The following ZNF652 variants were observed in gnomAD, a reference collection of about 807,000 sequenced individuals.
The protein encoded by ZNF652 is zinc finger protein 652.
ZNF652 carries 16 observed loss-of-function variants against 45.2 expected under a neutral mutation model. The ratio of observed to expected loss-of-function variants is 0.35; its 90% CI spans 0.24 to 0.54. The LOEUF (loss-of-function observed/expected upper bound fraction) is 0.54, where lower values mean the gene tolerates loss of function less well. Among genes scored for constraint, ZNF652 ranks in the 20% least tolerant of loss-of-function variants. The probability of loss-of-function intolerance (pLI) is 0.91; values close to 1 mark genes in which losing one functional copy is unlikely to be tolerated. For synonymous variants in ZNF652, 250 were observed against 260.6 expected (o/e 0.96, Z 0.39); for missense variants, 614 against 765.6 (o/e 0.80, Z 2.34).
At chr17:49,313,704 G>A (rs1239924718) in intron 2 of ZNF652, among the ~76,000 whole-genome samples, 1 of 151,600 alleles carries the variant, frequency 6.6e-6, no homozygotes, top group African/African-American at 2.4e-5. Context: ...CAGGTGCAGT[G>A]GCTCACGCCT....
intron 1 of ZNF652, among the ~76,000 whole-genome samples, chr17:49,356,850 C>T (rs781513091): frequency 2.0e-5 from 3 of 152,120 alleles, no homozygotes; most frequent in Admixed American, 6.6e-5. Flanking sequence ...CTTATCACAA[C>T]GCTATCCTGC....
At chr17:49,315,965 C>T (rs559172745) in intron 2 of ZNF652, among the ~76,000 whole-genome samples, 2 of 152,326 alleles carry the variant, frequency 1.3e-5, no homozygotes, top group East Asian at 1.9e-4. Context: ...CAAACCAACA[C>T]AATTTATCCT....
chr17:49,348,141 T>C (rs1416399821), intron 1 of ZNF652, among the ~76,000 whole-genome samples: 4 of 152,100 alleles, frequency 2.6e-5, no homozygotes, highest in African/African-American at 9.7e-5. Flanking sequence ...GTGGATATAA[T>C]TAGCAAAATT....
intron 5 of ZNF652, among the ~76,000 whole-genome samples, chr17:49,307,830 C>A (rs1175409429): frequency 2.0e-5 from 3 of 152,050 alleles, no homozygotes; most frequent in African/African-American, 7.2e-5. Flanking sequence ...AGAAAAAGCA[C>A]TTAAGATAAT....
At position 49,312,847 on chromosome 17, in the gene ZNF652, T is replaced by C; in HGVS notation, c.901-2A>G. On this transcript the variant is annotated splice_acceptor_variant, in intron 2 of 5. Transcript: ENST00000430262. LOFTEE classifies it high-confidence loss of function. ...GAACGATTTGTTACAGGAAACACAC[T>C]GAGCAGGATAAATAGAAATAATATT... The C allele has an allele frequency of 6.2e-7, 1 of 1,611,918 alleles. No individual in the cohort carries two copies. The highest frequency in any genetic ancestry group is 8.5e-7 in the Non-Finnish European group (1 of 1,179,340).
At chr17:49,301,007 A>G (rs2960169) in intron 5 of ZNF652, among the ~76,000 whole-genome samples, 87,205 of 152,066 alleles carry the variant, frequency 0.57, 25,358 homozygotes, top group South Asian at 0.74. Context: ...ATCACTCAAC[A>G]TGCATTTCTG....
Position 49,297,667 on chromosome 17 carries a change from T to C in ZNF652, c.*746A>G, listed in dbSNP as rs2069494237. 1 of 152,654 alleles carries C rather than the reference T, an allele frequency of 6.6e-6. No individual in the cohort carries two copies. Among genetic ancestry groups the C allele is most frequent in the Non-Finnish European group, 1.5e-5 (1 of 68,054 alleles). 9.5% of individuals were successfully genotyped at this position (152,654 alleles called of 1,614,324 possible). On this transcript the variant is annotated 3_prime_UTR_variant, in exon 6 of 6. Coordinates refer to ENST00000430262, the MANE Select transcript of ZNF652 (RefSeq NM_001145365.3). Reference sequence around the variant, plus strand: ...CTTTTGAGTTGTACGGATGTAAGAATAGCTTTGAATTATAGAAGTTATATG... The same window carrying C: ...CTTTTGAGTTGTACGGATGTAAGAACAGCTTTGAATTATAGAAGTTATATG...
chr17:49,312,939 GCAC>G, intron 2 of ZNF652, 94 bp from the exon 3 acceptor site: 1 of 1,276,482 alleles, frequency 7.8e-7, no homozygotes, highest in Non-Finnish European at 1.1e-6. Context: ...TAGGTTCATG[GCAC>G]AAGGCCAGAA....
intron 1 of ZNF652, chr17:49,361,048 TTTGA>T (rs1368628699): frequency 6.6e-6 from 1 of 152,278 alleles, no homozygotes; most frequent in African/African-American, 2.4e-5. Context: ...AGCACATTCC[TTTGA>T]TTGGCAAAAG....
intron 1 of ZNF652, among the ~76,000 whole-genome samples, chr17:49,327,587 T>C (rs1345681464): frequency 2.7e-5 from 4 of 150,928 alleles, no homozygotes; most frequent in Admixed American, 6.6e-5. Context: ...ATGAAAAATA[T>C]AGCATAGCAG....
chr17:49,314,469 C>T (rs189229903), intron 2 of ZNF652, among the ~76,000 whole-genome samples: 38 of 152,028 alleles, frequency 2.5e-4, no homozygotes, highest in Admixed American at 2.2e-3. Context: ...CTTACTGTTT[C>T]TTTAAAAAAT....
rs1263466241 is a variant in ZNF652 at position 49,297,013 on chromosome 17, C to T, written c.*1400G>A. On this transcript the variant is annotated 3_prime_UTR_variant, in exon 6 of 6. Transcript: ENST00000430262. ...TTATCGCCTAAGAATGCTGGTATTA[C>T]ATAATTTGCAGAGGACAGGGCAGTA... is the stretch of plus-strand genomic sequence containing the variant. 6.6e-6 allele frequency: 1 copy of T among 152,118 alleles called. No individual in the cohort carries two copies. The highest frequency in any genetic ancestry group is 1.5e-5 in the Non-Finnish European group (1 of 68,026). The allele number at this position is 152,118 out of a possible 1,614,324, so 9.4% of individuals were successfully genotyped here. A position where few individuals can be genotyped will look rare whatever the true frequency, so the allele number is the denominator to read the frequency against.
intron 1 of ZNF652, among the ~76,000 whole-genome samples, chr17:49,350,983 A>G (rs879711359): frequency 0.21 from 5,740 of 26,728 alleles, 297 homozygotes; most frequent in Middle Eastern, 0.27. Flanking sequence ...ATATATATAT[A>G]TATATATATA....
chr17:49,298,723 A>G lies in ZNF652; in HGVS notation c.1511T>C (p.Val504Ala). 6.2e-7 allele frequency: 1 copy of G among 1,614,010 alleles called. No homozygotes were observed. Among genetic ancestry groups the G allele is most frequent in the Non-Finnish European group, 8.5e-7 (1 of 1,180,002 alleles). ...TGGGGAAGTTGTAAGTGGGATCTGG[A>G]CAGCAGGTGGCACATTCACGGGGCT... ...VTSPVNVPPA[V>A]QIPLTTSPAT... The change falls in exon 6 of 6, where the codon GTC (valine) becomes GCC (alanine). Residue 504 changes from valine to alanine, a missense_variant. Coordinates refer to ENST00000430262, the MANE Select transcript of ZNF652 (RefSeq NM_001145365.3).
In ZNF652 at chr17:49,289,988, G is replaced by A. The variant is rs2069383171; in HGVS notation, c.*8425C>T. The A allele has an allele frequency of 1.3e-5, 2 of 152,196 alleles. No homozygotes were observed. The highest frequency in any genetic ancestry group is 4.1e-4 in the South Asian group (2 of 4,828). The allele number at this position is 152,196 out of a possible 1,614,324, so 9.4% of individuals were successfully genotyped here. ...CAAACTGGATTTTCTTAAGAAATGA[G>A]GAAAAGTGCAAGTGATCTCAGTACT... On this transcript the variant is annotated 3_prime_UTR_variant, in exon 6 of 6. Transcript: ENST00000430262.
At chr17:49,338,210 C>T (rs961401731) in intron 1 of ZNF652, among the ~76,000 whole-genome samples, 3 of 150,880 alleles carry the variant, frequency 2.0e-5, no homozygotes, top group Admixed American at 6.6e-5. Flanking sequence ...TGGTCTTAAA[C>T]TCCTTGCCTC....
chr17:49,355,940 T>C (rs953747476), intron 1 of ZNF652, among the ~76,000 whole-genome samples: 2 of 152,030 alleles, frequency 1.3e-5, no homozygotes, highest in Non-Finnish European at 2.9e-5. Context: ...TCAAGTGTTA[T>C]AATCATTTTA....
At chr17:49,355,471 G>C (rs1186797122) in intron 1 of ZNF652, among the ~76,000 whole-genome samples, 3 of 152,130 alleles carry the variant, frequency 2.0e-5, no homozygotes, top group African/African-American at 7.2e-5. Context: ...CAGCTACTCA[G>C]GAGGCTGAGG....
intron 1 of ZNF652, among the ~76,000 whole-genome samples, chr17:49,339,202 T>TC (rs2143873985): frequency 6.8e-6 from 1 of 146,514 alleles, no homozygotes; most frequent in African/African-American, 2.5e-5. Context: ...AGGAAATTTT[T>TC]TTTTTTTTTT....
Sources: allele counts gnomAD v4.1 joint callset (sites outside exome capture counted in the v4.1 genomes callset), GRCh38; gene constraint gnomAD v4.1.1; transcripts MANE v1.5; gene names NCBI Gene and HGNC (gene_info 2026-07-23, HGNC 2026-07-21).